Variants in PIK3C2B observed in about 807,000 individuals in gnomAD.
PIK3C2B encodes the protein phosphatidylinositol-4-phosphate 3-kinase catalytic subunit type 2 beta.
In PIK3C2B, 83 loss-of-function variants were observed where a neutral mutation model predicts 184.3. The ratio of observed to expected loss-of-function variants is 0.45; its 90% confidence interval spans 0.38 to 0.54. PIK3C2B has a LOEUF of 0.54. Among genes scored for constraint, PIK3C2B ranks in the 20% least tolerant of loss-of-function variants. The pLI is 0.00. For synonymous variants in PIK3C2B, 779 were observed against 837.6 expected (o/e 0.93, Z 1.21); for missense variants, 1,736 against 2,113.5 (o/e 0.82, Z 3.50).
At chr1:204,425,105 C>A in intron 32 of PIK3C2B, 65 bp from the exon 33 acceptor site, 1 of 1,360,312 alleles carries the variant, frequency 7.4e-7, no homozygotes. Flanking sequence ...CAGAGGGAAC[C>A]CGAGAGGGAG....
chr1:204,438,189 A>C (rs918260262), intron 23 of PIK3C2B, among the ~76,000 whole-genome samples: 22 of 152,216 alleles, frequency 1.4e-4, no homozygotes, highest in Non-Finnish European at 2.6e-4. Flanking sequence ...AAATTATACG[A>C]ATTAGCATTC....
At chr1:204,426,702 T>G (rs1237532881) in intron 31 of PIK3C2B, among the ~76,000 whole-genome samples, 1 of 152,344 alleles carries the variant, frequency 6.6e-6, no homozygotes, top group East Asian at 1.9e-4. Context: ...CCAGAGCTAA[T>G]GTATCAGTAT....
At chr1:204,458,885 C>T (rs899122230) in intron 8 of PIK3C2B, among the ~76,000 whole-genome samples, 1 of 152,140 alleles carries the variant, frequency 6.6e-6, no homozygotes, top group African/African-American at 2.4e-5. Context: ...GAGCTTCCCC[C>T]GCATCACTGG....
At chr1:204,463,039 C>T (rs199577846) in intron 5 of PIK3C2B, among the ~76,000 whole-genome samples, 2 of 152,072 alleles carry the variant, frequency 1.3e-5, no homozygotes, top group East Asian at 1.9e-4. Context: ...CCAGCCTGCA[C>T]GACAGAGTGA....
Position 204,424,717 on chromosome 1 carries a change from G to C in PIK3C2B, c.*135C>G, listed in dbSNP as rs61758021. 1,872 of 848,054 alleles carry C rather than the reference G, an allele frequency of 2.2e-3. 12 individuals carry two copies. In the African/African-American group the frequency reaches 0.026, roughly 12 times the overall value. 52.5% of individuals were successfully genotyped at this position (848,054 alleles called of 1,614,324 possible). A position where few individuals can be genotyped will look rare whatever the true frequency, so the allele number is the denominator to read the frequency against. Reference sequence around the variant, plus strand: ...TACTCTCCCTGCCTCCTACCACAGAGGCCAGAATCACCTGGACCGAGCTGG... The same window carrying C: ...TACTCTCCCTGCCTCCTACCACAGACGCCAGAATCACCTGGACCGAGCTGG... On this transcript the variant is annotated 3_prime_UTR_variant, in exon 33 of 33. Coordinates refer to ENST00000684373, the MANE Select transcript of PIK3C2B (RefSeq NM_001377334.1).
intron 5 of PIK3C2B, among the ~76,000 whole-genome samples, chr1:204,462,135 G>A (rs61761707): frequency 0.016 from 2,436 of 152,238 alleles, 70 homozygotes; most frequent in African/African-American, 0.054. Flanking sequence ...CTTCCTCTCT[G>A]TGCATTCAAG....
In PIK3C2B at chr1:204,456,646, G is replaced by A. The variant is rs552651452; in HGVS notation, c.1747+391C>T. Among the ~76,000 whole-genome samples, 10 of 152,102 alleles carry A rather than the reference G, an allele frequency of 6.6e-5. No individual in the cohort carries two copies. The South Asian group carries it at 1.2e-3, about 19-fold the overall frequency. On this transcript the variant is annotated intron_variant, in intron 10 of 32. Coordinates refer to ENST00000684373, the MANE Select transcript of PIK3C2B (RefSeq NM_001377334.1). ...CCTCTCCCAAGGCCCACTCTAAATC[G>A]GAAAGGTAGCAAGTGTGAGCTGTTG...
intron 23 of PIK3C2B, among the ~76,000 whole-genome samples, chr1:204,437,361 G>C (rs140917620): frequency 3.0e-4 from 45 of 152,294 alleles, no homozygotes; most frequent in Non-Finnish European, 5.6e-4. Flanking sequence ...TGGGCATGGT[G>C]GTGCACGCCT....
intron 24 of PIK3C2B, 79 bp from the exon 25 acceptor site, chr1:204,434,028 TTCCCTCA>T: frequency 8.5e-7 from 1 of 1,173,410 alleles, no homozygotes. Flanking sequence ...AGGGGTCAGT[TTCCCTCA>T]TCCCTCATCA....
In PIK3C2B at chr1:204,433,086, T is replaced by G. The variant is rs1360141813; in HGVS notation, c.3953+230A>C. ...GTAGATAAGAGTGATGGCAATACCC[T>G]TGTGTGCAAAGGTTAGCACCAAAAC... On this transcript the variant is annotated intron_variant, in intron 26 of 32. Coordinates refer to ENST00000684373, the MANE Select transcript of PIK3C2B (RefSeq NM_001377334.1). The surrounding 1 kb of genome is among the most constrained non-coding windows in gnomAD (Gnocchi z 5.0). Among the ~76,000 whole-genome samples, 1 of 152,226 alleles carries G rather than the reference T, an allele frequency of 6.6e-6. No individual in the cohort carries two copies. The highest frequency in any genetic ancestry group is 1.5e-5 in the Non-Finnish European group (1 of 68,046).
At chr1:204,474,078 G>A (rs1277195756) in intron 1 of PIK3C2B, among the ~76,000 whole-genome samples, 1 of 138,744 alleles carries the variant, frequency 7.2e-6, no homozygotes, top group Non-Finnish European at 1.5e-5. Flanking sequence ...CGCAAGCTCC[G>A]CCTCCCGGGT....
intron 1 of PIK3C2B, among the ~76,000 whole-genome samples, chr1:204,472,063 C>T (rs1027515492): frequency 2.6e-5 from 4 of 152,092 alleles, no homozygotes; most frequent in African/African-American, 4.8e-5. Context: ...GAAGCCATGA[C>T]GTGAACAGAG....
At chr1:204,454,150 A>T (rs1046865436) in intron 12 of PIK3C2B, among the ~76,000 whole-genome samples, 1 of 151,992 alleles carries the variant, frequency 6.6e-6, no homozygotes, top group African/African-American at 2.4e-5. Context: ...CCTCATGACA[A>T]CTTGAGAAGT....
rs115709079 is a variant in PIK3C2B at position 204,431,147 on chromosome 1, A to G, written c.4280+522T>C. Among the ~76,000 whole-genome samples the G allele has an allele frequency of 3.3e-3, 494 of 151,538 alleles. 1 individual carries two copies. Among genetic ancestry groups the G allele is most frequent in the African/African-American group, 0.011 (461 of 41,266 alleles). ...CTGTACCCATTAAACAACCACACCT[A>G]CCTCCCCTCAGACCTGGGCAACTAG... is the stretch of plus-strand genomic sequence containing the variant. On this transcript the variant is annotated intron_variant, in intron 28 of 32. Transcript: ENST00000684373.
rs770614232 is a variant in PIK3C2B at position 204,457,750 on chromosome 1, C to A, written c.1691G>T (p.Arg564Leu). Residue 564 changes from arginine to leucine, a missense_variant, in exon 9 of 33, where the codon CGC becomes CTC. This residue lies in a region of PIK3C2B where 609 missense variants were observed against 699.2 expected (regional missense o/e 0.87). Coordinates refer to ENST00000684373, the MANE Select transcript of PIK3C2B (RefSeq NM_001377334.1). ...ALNQLPPCPS[R>L]MQPKIQKDPS... ...TACCTTCTGAATTTTAGGCTGCATG[C>A]GGGAGGGGCAGGGGGGCAGCTGGTT... The A allele has an allele frequency of 8.7e-6, 14 of 1,609,418 alleles. No individual in the cohort carries two copies. The Admixed American group carries it at 1.7e-4, about 19-fold the overall frequency.
At chr1:204,483,341 C>G (rs1024437082) in intron 1 of PIK3C2B, among the ~76,000 whole-genome samples, 1 of 151,074 alleles carries the variant, frequency 6.6e-6, no homozygotes. Flanking sequence ...TCAACTGAGC[C>G]ATGATTGAGA....
chr1:204,460,070 T>C, intron 7 of PIK3C2B, 129 bp from the exon 8 acceptor site: 1 of 774,882 alleles, frequency 1.3e-6, no homozygotes, highest in Non-Finnish European at 2.2e-6. Flanking sequence ...TCTTTCTATA[T>C]GTCCTGTGAA....
At chr1:204,466,449 G>T (rs1655797089) in intron 2 of PIK3C2B, among the ~76,000 whole-genome samples, 1 of 147,736 alleles carries the variant, frequency 6.8e-6, no homozygotes, top group Admixed American at 6.8e-5. Flanking sequence ...ACCCTCTCTT[G>T]TTAGGCTTGC....
Position 204,456,044 on chromosome 1 carries a change from G to A in PIK3C2B, c.1755C>T (p.Val585=), listed in dbSNP as rs895258750. 6 of 1,612,512 alleles carry A rather than the reference G, an allele frequency of 3.7e-6. No individual in the cohort carries two copies. The highest frequency in any genetic ancestry group is 5.1e-6 in the Non-Finnish European group (6 of 1,178,792). ...AGATGGCAGCGGTCAGGGCTTCCAC[G>A]ACCTTCTCTGGGAAGGGAAGGGGTC... ...VLAVRENREK[V]VEALTAAILD... Residue 585 remains valine, a synonymous_variant, in exon 11 of 33, where the codon GTC becomes GTT. Coordinates refer to ENST00000684373, the MANE Select transcript of PIK3C2B (RefSeq NM_001377334.1).
Sources: gnomAD v4.1 joint callset for allele counts (sites outside exome capture counted in the v4.1 genomes callset) on GRCh38, gnomAD v4.1.1 for gene constraint, gnomAD v4.1.1 regional missense constraint, Gnocchi (gnomAD v3.1) non-coding constraint, MANE v1.5 for transcripts, NCBI Gene and HGNC (gene_info 2026-07-23, HGNC 2026-07-21) for gene names.